Variants in ITGB7 observed in about 807,000 individuals in gnomAD.
ITGB7 encodes integrin subunit beta 7, also known as integrin beta-7.
Under a neutral mutation model 83.4 loss-of-function variants are expected in ITGB7, and 55 were observed. That is an observed-to-expected ratio of 0.66 (90% CI 0.53 to 0.83). The LOEUF (loss-of-function observed/expected upper bound fraction) is 0.83. ITGB7 is among the 40% of genes least tolerant of loss of function. ITGB7 has a pLI of 0.00. For missense variants in ITGB7, 921 were observed against 1,046.7 expected (o/e 0.88, Z 1.66); for synonymous variants, 454 against 423.6 (o/e 1.07, Z -0.88).
rs117125848 is a variant in ITGB7, at chr12:53,196,780, C to T, written c.615G>A (p.Val205=). The T allele has an allele frequency of 1.2e-6, 2 of 1,610,066 alleles. No homozygotes were observed. The highest frequency in any genetic ancestry group is 1.7e-6 in the Non-Finnish European group (2 of 1,176,812). The change falls in exon 6 of 16, where the codon GTG becomes GTA. Residue 205 remains valine, a synonymous_variant. Coordinates refer to ENST00000267082, the MANE Select transcript of ITGB7 (RefSeq NM_000889.3). The part of the protein sequence containing the change: ...SFVDKTVLPF[V]STVPSKLRHP... ...GGCGCAGTTTGGAGGGTACTGTGCT[C>T]ACAAAGGGCAGCACCGTTTTGTCCA...
intron 3 of ITGB7, among the ~76,000 whole-genome samples, 176 bp downstream of exon 3, chr12:53,200,067 T>C (rs1456487108): frequency 6.6e-6 from 1 of 152,166 alleles, no homozygotes; most frequent in African/African-American, 2.4e-5. Flanking sequence ...TGCACACACG[T>C]ATATCCACAC....
At chr12:53,199,366 C>G (rs868514966) in intron 3 of ITGB7, among the ~76,000 whole-genome samples, 1 of 152,178 alleles carries the variant, frequency 6.6e-6, no homozygotes, top group Non-Finnish European at 1.5e-5. Flanking sequence ...TTCCAGTCCC[C>G]CTCAAGCCCA....
chr12:53,194,019 C>T (rs1040430045), intron 10 of ITGB7, 118 bp from the exon 11 acceptor site: 24 of 1,305,922 alleles, frequency 1.8e-5, no homozygotes, highest in Non-Finnish European at 2.6e-5. Flanking sequence ...CATGTTAACA[C>T]CCAACTCCTA....
rs368588780 is a variant in ITGB7, at chr12:53,197,599, G to A, written c.468C>T (p.Tyr156=). The change falls in exon 5 of 16, where the codon TAC becomes TAT. Residue 156 remains tyrosine (Y), a synonymous_variant. Transcript: ENST00000267082. ...RAEGYPVDLY[Y]LMDLSYSMKD... Reference sequence around the variant, plus strand: ...TCATGGAGTAGCTCAGGTCCATAAGGTAGTACAGGTCCACCGGGTATCCCT... The same window carrying A: ...TCATGGAGTAGCTCAGGTCCATAAGATAGTACAGGTCCACCGGGTATCCCT... The A allele has an allele frequency of 6.2e-6, 10 of 1,614,068 alleles. No individual in the cohort carries two copies. The African/African-American group carries it at 1.3e-4, about 22-fold the overall frequency.
chr12:53,205,147 T>C (rs931520197), intron 1 of ITGB7, among the ~76,000 whole-genome samples: 1 of 151,956 alleles, frequency 6.6e-6, no homozygotes, highest in East Asian at 1.9e-4. Context: ...TAGTTCCCTA[T>C]GACAAATAAT....
In ITGB7 at chr12:53,195,980, G is replaced by A. The variant is rs573324992; in HGVS notation, c.975+61C>T. ...GAGGACTGTAAGGCTGGGAGTGGGA[G>A]TCCTGGAAGGAAAGAGGTGTGGCTG... On this transcript the variant is annotated intron_variant, in intron 7 of 15. Transcript: ENST00000267082. 3.9e-5 allele frequency: 62 copies of A among 1,582,412 alleles called. No homozygotes were observed. In the South Asian group the frequency reaches 6.1e-4, roughly 16 times the overall value.
intron 1 of ITGB7, among the ~76,000 whole-genome samples, chr12:53,205,510 T>C (rs1226457487): frequency 6.6e-6 from 1 of 152,104 alleles, no homozygotes; most frequent in Non-Finnish European, 1.5e-5. Context: ...ATTTATCATT[T>C]CACACGTCTG....
chr12:53,196,770 G>T lies in ITGB7; in HGVS notation c.625C>A (p.Pro209Thr). The change falls in exon 6 of 16, where the codon CCC (proline) becomes ACC (threonine). Residue 209 changes from proline to threonine, a missense_variant. Pro to Thr is a conservative substitution (Grantham distance 38). Coordinates refer to ENST00000267082, the MANE Select transcript of ITGB7 (RefSeq NM_000889.3). ...KTVLPFVSTV[P>T]SKLRHPCPTR... ...GGGCAGGGGTGGCGCAGTTTGGAGGGTACTGTGCTCACAAAGGGCAGCACC... is the reference window on the plus strand; with the variant it reads ...GGGCAGGGGTGGCGCAGTTTGGAGGTTACTGTGCTCACAAAGGGCAGCACC... 1.2e-6 allele frequency: 2 copies of T among 1,612,152 alleles called. No individual in the cohort carries two copies.
At position 53,196,067 on chromosome 12, in the gene ITGB7, C is replaced by T; in HGVS notation, c.949G>A (p.Gly317Ser). Residue 317 changes from glycine to serine, a missense_variant, in exon 7 of 16, where the codon GGC (glycine) becomes AGC (serine). By Grantham distance (56) the Gly-to-Ser change is moderately conservative (BLOSUM62 0). Coordinates refer to ENST00000267082, the MANE Select transcript of ITGB7 (RefSeq NM_000889.3). ...AACTCTGTGCTGCGACTGTAGAGGC[C>T]ATTGCTGTCCAAGTGGCAGTGCCCA... The part of the protein sequence containing the change: ...SDGHCHLDSN[G>S]LYSRSTEFDY... 6.2e-7 allele frequency: 1 copy of T among 1,614,138 alleles called. No individual in the cohort carries two copies. The highest frequency in any genetic ancestry group is 8.5e-7 in the Non-Finnish European group (1 of 1,180,012).
chr12:53,194,503 A>G lies in ITGB7; in HGVS notation c.1162-159T>C, dbSNP rs1244755059. The G allele has an allele frequency of 2.5e-5, 16 of 642,954 alleles. No homozygotes were observed. In the East Asian group the frequency reaches 4.2e-4, roughly 17 times the overall value. The allele number at this position is 642,954 out of a possible 1,614,324, so 39.8% of individuals were successfully genotyped here. A position where few individuals can be genotyped will look rare whatever the true frequency, so the allele number is the denominator to read the frequency against. On this transcript the variant is annotated intron_variant, in intron 9 of 15. Transcript: ENST00000267082. Reference sequence around the variant, plus strand: ...CAGTCGAGGCATTTCTGGAGGGAGGACCCGTGAGAACCTTGCATAGAACAT... The same window carrying G: ...CAGTCGAGGCATTTCTGGAGGGAGGGCCCGTGAGAACCTTGCATAGAACAT...
chr12:53,195,428 C>T lies in ITGB7; in HGVS notation c.1107G>A (p.Gly369=). ...LSKLIPKSAV[G]ELSEDSSNVV... ...CGTTGCTGGAGTCCTCACTCAGCTC[C>T]CCAACTGCAGACTTAGGAATCAGTT... Residue 369 remains glycine (G), a synonymous_variant, in exon 9 of 16, where the codon GGG becomes GGA. Coordinates refer to ENST00000267082, the MANE Select transcript of ITGB7 (RefSeq NM_000889.3). 6.2e-7 allele frequency: 1 copy of T among 1,613,948 alleles called. No homozygotes were observed. The highest frequency in any genetic ancestry group is 1.3e-5 in the African/African-American group (1 of 74,980).
chr12:53,197,396 C>T, intron 5 of ITGB7, 97 bp downstream of exon 5: 1 of 1,422,492 alleles, frequency 7.0e-7, no homozygotes, highest in East Asian at 2.3e-5. Flanking sequence ...ACTGGGAGGG[C>T]AAGTTGGGGC....
chr12:53,196,153 G>A lies in ITGB7; in HGVS notation c.863C>T (p.Ser288Leu). 1 of 1,614,186 alleles carries A rather than the reference G, an allele frequency of 6.2e-7. No homozygotes were observed. The highest frequency in any genetic ancestry group is 8.5e-7 in the Non-Finnish European group (1 of 1,180,024). ...CCCAGCTGTATGGAATGTGTCGTCT[G>A]AAGTGAACACCAGCAGCCGGGACAC... ...RNVSRLLVFT[S>L]DDTFHTAGDG... The change falls in exon 7 of 16, where the codon TCA becomes TTA. Residue 288 changes from serine (S) to leucine (L), a missense_variant. Transcript: ENST00000267082.
chr12:53,197,103 A>G, intron 5 of ITGB7: 1 of 552,132 alleles, frequency 1.8e-6, no homozygotes. Flanking sequence ...CATGAGGCAA[A>G]GGAAGGAAAT....
intron 10 of ITGB7, 144 bp downstream of exon 10, chr12:53,194,054 A>T: frequency 7.3e-7 from 1 of 1,366,114 alleles, no homozygotes; most frequent in Non-Finnish European, 1.0e-6. Context: ...GAAGCCACTC[A>T]GACTGCTCCA....
At chr12:53,200,108 C>A (rs1942288412) in intron 3 of ITGB7, 135 bp downstream of exon 3, 1 of 752,844 alleles carries the variant, frequency 1.3e-6, no homozygotes, top group Admixed American at 2.4e-5. Context: ...AACTCAGTCA[C>A]ACATGAGACT....
Position 53,196,693 on chromosome 12 carries a change from G to A in ITGB7, c.702C>T (p.Ser234=). ...QSPFSFHHVL[S]LTGDAQAFER... is the part of the protein sequence containing the mutation. ...CGAAGGCTTGTGCGTCCCCCGTCAG[G>A]GACAGCACATGGTGAAAGCTGAATG... is the stretch of plus-strand genomic sequence containing the variant. The change falls in exon 6 of 16, where the codon TCC becomes TCT. Residue 234 remains serine (S), a synonymous_variant. Transcript: ENST00000267082. The A allele has an allele frequency of 6.2e-7, 1 of 1,612,414 alleles. No individual in the cohort carries two copies. The highest frequency in any genetic ancestry group is 8.5e-7 in the Non-Finnish European group (1 of 1,179,162).
chr12:53,195,222 A>G (rs796101329), intron 9 of ITGB7, 152 bp downstream of exon 9: 1 of 633,850 alleles, frequency 1.6e-6, no homozygotes, highest in South Asian at 1.8e-5. Context: ...TGAACAGTTA[A>G]TGACAGCCAC....
chr12:53,202,092 C>T (rs1224233962), intron 1 of ITGB7, among the ~76,000 whole-genome samples: 2 of 152,200 alleles, frequency 1.3e-5, no homozygotes, highest in Non-Finnish European at 2.9e-5. Flanking sequence ...GGCACAGTGG[C>T]TCATGCCTGT....
Sources: allele counts gnomAD v4.1 joint callset (sites outside exome capture counted in the v4.1 genomes callset), GRCh38; gene constraint gnomAD v4.1.1; transcripts MANE v1.5; gene names NCBI Gene and HGNC (gene_info 2026-07-23, HGNC 2026-07-21).